Variants in BRD8 observed in about 807,000 individuals in gnomAD.
BRD8 encodes bromodomain-containing protein 8.
In BRD8, 67 loss-of-function variants were observed where a neutral mutation model predicts 143.1. The ratio of observed to expected loss-of-function variants is 0.47; its 90% CI spans 0.38 to 0.57. The LOEUF (loss-of-function observed/expected upper bound fraction) is 0.57, where lower values mean the gene tolerates loss of function less well. Ranked by LOEUF, BRD8 falls within the 20% of genes least tolerant of loss-of-function variation. The pLI is 0.00. For synonymous variants in BRD8, 505 were observed against 517.1 expected, an observed-to-expected ratio of 0.98 and a Z score of 0.32; for missense variants, 1,103 against 1,503.0, an observed-to-expected ratio of 0.73 and a Z score of 4.40.
At position 138,171,414 on chromosome 5, in the gene BRD8, TTAA is replaced by T; in HGVS notation, c.187-7_187-5del. On this transcript the variant is annotated splice_polypyrimidine_tract_variant and splice_region_variant and intron_variant, in intron 3 of 26. Coordinates refer to ENST00000254900, the MANE Select transcript of BRD8 (RefSeq NM_139199.2). ...CCGAGTACTGGGAAGCACAATGCTA[TTAA>T]AAAAAAAAAAAAAAGTGAAAATGTG... 1 of 1,425,240 alleles carries T rather than the reference TTAA, an allele frequency of 7.0e-7. No individual in the cohort carries two copies. The highest frequency in any genetic ancestry group is 9.2e-7 in the Non-Finnish European group (1 of 1,092,192). The allele number at this position is 1,425,240 out of a possible 1,614,324, so 88.3% of individuals were successfully genotyped here.
At chr5:138,141,954 C>T (rs1751927431) in intron 25 of BRD8, among the ~76,000 whole-genome samples, 1 of 152,152 alleles carries the variant, frequency 6.6e-6, no homozygotes, top group East Asian at 1.9e-4. Flanking sequence ...TTTGTCTCTG[C>T]TGTTTGAATG....
rs1272381462 is a variant in BRD8, at chr5:138,140,881, G to T, written c.3439C>A (p.Pro1147Thr). Reference protein sequence around the residue: ...APGYKDVVKRPMDLTSLKRNL... With the variant: ...APGYKDVVKRTMDLTSLKRNL... ...CTCTTCAGGCTAGTTAAGTCCATGG[G>T]TCTGCAGGTGGCCAAGAAAAAACAA... Residue 1147 changes from proline to threonine, a missense_variant and splice_region_variant, in exon 26 of 27, where the codon CCC becomes ACC. Pro to Thr is a conservative substitution (Grantham distance 38). This residue lies in a region of BRD8 where 369 missense variants were observed against 445.5 expected (regional missense o/e 0.83). Coordinates refer to ENST00000254900, the MANE Select transcript of BRD8 (RefSeq NM_139199.2). The T allele has an allele frequency of 1.9e-6, 3 of 1,613,704 alleles. No homozygotes were observed. The highest frequency in any genetic ancestry group is 3.3e-5 in the Admixed American group (2 of 59,956).
At chr5:138,168,500 C>T in intron 8 of BRD8, 1 of 1,604,762 alleles carries the variant, frequency 6.2e-7, no homozygotes, top group East Asian at 2.2e-5. Flanking sequence ...GGAGGCTGCC[C>T]TTCTTCAAGA....
chr5:138,146,321 G>A (rs1483030506), intron 23 of BRD8, among the ~76,000 whole-genome samples: 2 of 146,934 alleles, frequency 1.4e-5, no homozygotes, highest in Non-Finnish European at 3.0e-5. Flanking sequence ...GCCTCCCAAA[G>A]TGCTGGGATT....
At chr5:138,163,063 A>C (rs1581433894) in intron 15 of BRD8, 67 bp downstream of exon 15, 23 of 872,474 alleles carry the variant, frequency 2.6e-5, no homozygotes, top group Middle Eastern at 3.3e-4. Context: ...GAAGGAAGGA[A>C]GGAAGGAAAA....
intron 17 of BRD8, chr5:138,161,319 G>A (rs1752981467): frequency 2.8e-6 from 1 of 356,268 alleles, no homozygotes; most frequent in Non-Finnish European, 5.1e-6. Flanking sequence ...TGTCACTCAG[G>A]CTGTAGTGCA....
intron 2 of BRD8, among the ~76,000 whole-genome samples, chr5:138,175,912 CAAAAAAAAAAAAAA>C (rs59338837): frequency 1.6e-4 from 3 of 18,592 alleles, no homozygotes; most frequent in African/African-American, 7.1e-4. Context: ...ACCCTGTCTG[CAAAAAAAAAAAAAA>C]AAAAAAAAAA....
At chr5:138,163,777 G>T in intron 14 of BRD8, 1 of 678,944 alleles carries the variant, frequency 1.5e-6, no homozygotes, top group Non-Finnish European at 2.3e-6. Context: ...GATTCTCTTT[G>T]GATAGTCTAA....
At chr5:138,141,559 T>G (rs1444664173) in intron 25 of BRD8, among the ~76,000 whole-genome samples, 1 of 152,202 alleles carries the variant, frequency 6.6e-6, no homozygotes, top group Non-Finnish European at 1.5e-5. Flanking sequence ...GCCACTATAT[T>G]CTACTATCAG....
At chr5:138,157,543 C>T in intron 20 of BRD8, 1 of 444,012 alleles carries the variant, frequency 2.3e-6, no homozygotes, top group Non-Finnish European at 4.1e-6. Context: ...TATTAGTCAT[C>T]CCACCCAGGC....
At chr5:138,151,653 AT>A (rs913516230) in intron 21 of BRD8, among the ~76,000 whole-genome samples, 3 of 79,652 alleles carry the variant, frequency 3.8e-5, no homozygotes, top group African/African-American at 9.0e-5. Flanking sequence ...AAAAGCATGT[AT>A]TTTTTTATTT....
intron 25 of BRD8, among the ~76,000 whole-genome samples, chr5:138,144,390 G>A (rs1752050040): frequency 6.6e-6 from 1 of 152,158 alleles, no homozygotes; most frequent in African/African-American, 2.4e-5. Context: ...CACCACGAGA[G>A]TCTGCAGCTT....
At chr5:138,142,589 CCT>C (rs777915016) in intron 25 of BRD8, among the ~76,000 whole-genome samples, 5 of 151,178 alleles carry the variant, frequency 3.3e-5, no homozygotes, top group Non-Finnish European at 5.9e-5. Flanking sequence ...ATAGTGAAAC[CCT>C]GTCTCTACTA....
chr5:138,169,481 G>A, intron 7 of BRD8, 123 bp from the exon 8 acceptor site: 1 of 1,175,632 alleles, frequency 8.5e-7, no homozygotes, highest in Non-Finnish European at 1.2e-6. Flanking sequence ...AGCATAATAA[G>A]TTTGGATTAG....
intron 15 of BRD8, 73 bp downstream of exon 15, chr5:138,163,057 G>A (rs112802244): frequency 1.8e-6 from 1 of 549,776 alleles, no homozygotes; most frequent in Non-Finnish European, 3.0e-6. Context: ...AGACAGGAAG[G>A]AAGGAAGGAA....
intron 8 of BRD8, chr5:138,168,622 G>A (rs1753626878): frequency 1.9e-6 from 3 of 1,604,842 alleles, no homozygotes; most frequent in Non-Finnish European, 2.5e-6. Context: ...GCAGAGCCTG[G>A]AGGAAGGGTG....
At chr5:138,168,536 T>C in intron 8 of BRD8, 1 of 1,608,348 alleles carries the variant, frequency 6.2e-7, no homozygotes, top group Non-Finnish European at 8.5e-7. Flanking sequence ...GGGAGGGGGG[T>C]GGAGTTGCTT....
chr5:138,160,399 T>C (rs1752917604), intron 18 of BRD8, among the ~76,000 whole-genome samples: 1 of 152,182 alleles, frequency 6.6e-6, no homozygotes, highest in South Asian at 2.1e-4. Context: ...GATCAAAATC[T>C]CTATCCTCCA....
chr5:138,166,008 A>G lies in BRD8; in HGVS notation c.1098T>C (p.Ser366=), dbSNP rs773930225. The change falls in exon 11 of 27, where the codon TCT becomes TCC. Residue 366 remains serine, a synonymous_variant. Coordinates refer to ENST00000254900, the MANE Select transcript of BRD8 (RefSeq NM_139199.2). ...DSSEISMIIN[S]IKEECFRSGV... ...CTGATCGAAAACACTCTTCTTTGATAGAATTGATGATCATGGATATTTCAC... is the reference window on the plus strand; with the variant it reads ...CTGATCGAAAACACTCTTCTTTGATGGAATTGATGATCATGGATATTTCAC... The G allele has an allele frequency of 1.2e-6, 2 of 1,614,242 alleles. No individual in the cohort carries two copies. Among genetic ancestry groups the G allele is most frequent in the Admixed American group, 1.7e-5 (1 of 60,028 alleles).
Sources: allele counts gnomAD v4.1 joint callset (sites outside exome capture counted in the v4.1 genomes callset), GRCh38; gene constraint gnomAD v4.1.1; regional missense constraint gnomAD v4.1.1; transcripts MANE v1.5; gene names NCBI Gene and HGNC (gene_info 2026-07-23, HGNC 2026-07-21).